Variants in CATSPER3 observed in about 807,000 individuals in gnomAD.
CATSPER3 encodes cation channel sperm associated 3, also known as cation channel sperm-associated protein 3.
A neutral mutation model predicts 36.6 loss-of-function variants in CATSPER3; 23 were observed. The ratio of observed to expected loss-of-function variants is 0.63; its 90% confidence interval spans 0.45 to 0.89. The LOEUF is 0.89. Ranked by LOEUF, CATSPER3 falls within the 40% of genes least tolerant of loss-of-function variation. The pLI is 0.00. For missense variants in CATSPER3, 474 were observed against 503.9 expected, an observed-to-expected ratio of 0.94 and a Z score of 0.57; for synonymous variants, 172 against 184.1, an observed-to-expected ratio of 0.93 and a Z score of 0.53.
At chr5:134,968,249 G>T in intron 1 of CATSPER3, 160 bp downstream of exon 1, 1 of 659,706 alleles carries the variant, frequency 1.5e-6, no homozygotes, top group South Asian at 1.6e-5. Context: ...TGGTGAGGCT[G>T]GCATGCTATT....
intron 3 of CATSPER3, among the ~76,000 whole-genome samples, chr5:135,001,863 C>A (rs1357846144): frequency 3.9e-5 from 6 of 152,220 alleles, no homozygotes; most frequent in Admixed American, 2.0e-4. Flanking sequence ...TGTCTCTGCA[C>A]GTGAGATGGG....
At chr5:134,991,657 C>T (rs1400992807) in intron 2 of CATSPER3, among the ~76,000 whole-genome samples, 1 of 152,110 alleles carries the variant, frequency 6.6e-6, no homozygotes, top group African/African-American at 2.4e-5. Context: ...CAAAATGAAT[C>T]AACAACCTAA....
chr5:135,006,206 TAAA>T (rs1311096669), intron 3 of CATSPER3, among the ~76,000 whole-genome samples: 1 of 152,180 alleles, frequency 6.6e-6, no homozygotes, highest in Non-Finnish European at 1.5e-5. Context: ...GGATTGTGCT[TAAA>T]GAACTTGGCC....
At chr5:134,983,065 A>G (rs1751768487) in intron 2 of CATSPER3, among the ~76,000 whole-genome samples, 1 of 152,184 alleles carries the variant, frequency 6.6e-6, no homozygotes, top group Non-Finnish European at 1.5e-5. Context: ...TGTACAGAAA[A>G]GGAAATGAGA....
intron 2 of CATSPER3, among the ~76,000 whole-genome samples, chr5:134,995,024 TTTCCTTCC>T (rs1276462713): frequency 2.0e-5 from 3 of 151,614 alleles, no homozygotes; most frequent in Admixed American, 6.6e-5. Context: ...TCTCTCTCTT[TTTCCTTCC>T]TTCCTTCCTT....
At chr5:134,977,289 T>C (rs1561457896) in intron 2 of CATSPER3, among the ~76,000 whole-genome samples, 1 of 152,182 alleles carries the variant, frequency 6.6e-6, no homozygotes, top group African/African-American at 2.4e-5. Context: ...TCCTCCCATA[T>C]CTGATCATAG....
At chr5:134,996,533 A>T in intron 3 of CATSPER3, 21 bp downstream of exon 3, 1 of 1,612,964 alleles carries the variant, frequency 6.2e-7, no homozygotes, top group Non-Finnish European at 8.5e-7. Flanking sequence ...TGGGGGTGTC[A>T]TGGTGCTGGG....
intron 2 of CATSPER3, among the ~76,000 whole-genome samples, chr5:134,976,905 C>T (rs890342622): frequency 5.3e-5 from 8 of 152,224 alleles, no homozygotes; most frequent in African/African-American, 1.7e-4. Flanking sequence ...CAGAGCAGAC[C>T]TTATTTGAGC....
chr5:135,002,949 A>G (rs1276919531), intron 3 of CATSPER3, among the ~76,000 whole-genome samples: 3 of 152,172 alleles, frequency 2.0e-5, no homozygotes, highest in Non-Finnish European at 4.4e-5. Flanking sequence ...TTCTTCTCTC[A>G]ACTCATCAAA....
intron 2 of CATSPER3, among the ~76,000 whole-genome samples, chr5:134,978,135 G>A (rs1185469811): frequency 1.3e-5 from 2 of 152,120 alleles, no homozygotes; most frequent in East Asian, 1.9e-4. Flanking sequence ...TGTCAATAGT[G>A]GTTGCTAAAG....
intron 5 of CATSPER3, 47 bp from the exon 6 acceptor site, chr5:135,009,324 G>T (rs763091773): frequency 6.2e-6 from 10 of 1,601,186 alleles, no homozygotes; most frequent in Non-Finnish European, 8.6e-6. Flanking sequence ...CTGGGTCTGG[G>T]CATGTAGCGA....
intron 3 of CATSPER3, among the ~76,000 whole-genome samples, chr5:135,000,112 G>A (rs1178061802): frequency 6.6e-6 from 1 of 152,152 alleles, no homozygotes; most frequent in African/African-American, 2.4e-5. Context: ...AGAGTTTTTA[G>A]CATGAAGGGC....
chr5:134,978,444 TAAAAACAAAATAAACGTTA>T (rs1751705033), intron 2 of CATSPER3, among the ~76,000 whole-genome samples: 1 of 152,228 alleles, frequency 6.6e-6, no homozygotes, highest in East Asian at 1.9e-4. Context: ...ATATGTCAAT[TAAAAACAAAATAAACGTTA>T]AAAAACAAAA....
Position 135,006,653 on chromosome 5 carries a change from G to A in CATSPER3, c.493-1304G>A, listed in dbSNP as rs528796130. ...AGATCGAGACCATCCTGGCTAACAC[G>A]TGAAACCTCATCTCTACTAAAAATA... On this transcript the variant is annotated intron_variant, in intron 3 of 7. Transcript: ENST00000282611. Among the ~76,000 whole-genome samples the A allele has an allele frequency of 6.5e-4, 98 of 151,936 alleles. 1 individual carries two copies. Among genetic ancestry groups the A allele is most frequent in the Middle Eastern group, 3.4e-3 (1 of 294 alleles).
chr5:134,988,827 T>C (rs988364833), intron 2 of CATSPER3, among the ~76,000 whole-genome samples: 1 of 152,076 alleles, frequency 6.6e-6, no homozygotes, highest in Non-Finnish European at 1.5e-5. Context: ...TGAATGTTCT[T>C]AATGGCATCT....
Position 135,010,528 on chromosome 5 carries a change from C to G in CATSPER3, c.1092C>G (p.His364Gln), listed in dbSNP as rs1423586839. The G allele has an allele frequency of 6.2e-7, 1 of 1,614,048 alleles. No homozygotes were observed. ...STLDYQDTTVHKLQELYYEIV... is the reference protein window; with the variant it reads ...STLDYQDTTVQKLQELYYEIV... ...TGGACTACCAGGACACAACTGTCCA[C>G]AAGTCAGTTCCAGCCCCAGCCTTCC... The change falls in exon 7 of 8, where the codon CAC (histidine) becomes CAG (glutamine). Residue 364 changes from histidine to glutamine, a missense_variant and splice_region_variant. Transcript: ENST00000282611.
intron 2 of CATSPER3, among the ~76,000 whole-genome samples, chr5:134,986,458 C>CTTTTT (rs61671231): frequency 1.7e-5 from 2 of 116,618 alleles, no homozygotes; most frequent in Admixed American, 8.8e-5. Context: ...ACAGCATACC[C>CTTTTT]TTTTTTTTTT....
In CATSPER3 at chr5:135,009,376, C is replaced by T. The variant is rs1752147536; in HGVS notation, c.822C>T (p.Ser274=). 1 of 1,613,178 alleles carries T rather than the reference C, an allele frequency of 6.2e-7. No individual in the cohort carries two copies. The highest frequency in any genetic ancestry group is 1.3e-5 in the African/African-American group (1 of 74,922). ...TCCATCGTCTGACTCTCTAGGACTC[C>T]ATCAGAAAGTTTGAGCGAGAGCTGA... ...VGVMIMHTED[S]IRKFERELML... is the part of the protein sequence containing the mutation. The change falls in exon 6 of 8, where the codon TCC becomes TCT. Residue 274 remains serine (S), a synonymous_variant. Coordinates refer to ENST00000282611, the MANE Select transcript of CATSPER3 (RefSeq NM_178019.3).
intron 2 of CATSPER3, among the ~76,000 whole-genome samples, chr5:134,974,983 G>A (rs560475583): frequency 6.6e-6 from 1 of 152,238 alleles, no homozygotes; most frequent in East Asian, 1.9e-4. Context: ...CCTAGGGGAT[G>A]TTCTGTGATG....
Sources: allele counts gnomAD v4.1 joint callset (sites outside exome capture counted in the v4.1 genomes callset), GRCh38; gene constraint gnomAD v4.1.1; transcripts MANE v1.5; gene names NCBI Gene and HGNC (gene_info 2026-07-23, HGNC 2026-07-21).